CDIN1: variants seen among roughly 807,000 people sequenced by gnomAD.
CDIN1 encodes CDAN1-interacting nuclease 1.
A neutral mutation model predicts 45.3 loss-of-function variants in CDIN1; 33 were observed. That is an observed-to-expected ratio of 0.73 (90% CI 0.55 to 0.97). CDIN1 has a LOEUF of 0.97. CDIN1 is among the 50% of genes least tolerant of loss of function. The pLI, the probability that CDIN1 is intolerant of heterozygous loss-of-function variation, is 0.00. For synonymous variants in CDIN1, 118 were observed against 124.4 expected (o/e 0.95, Z 0.34); for missense variants, 303 against 339.4 (o/e 0.89, Z 0.84).
intron 10 of CDIN1, among the ~76,000 whole-genome samples, chr15:36,778,777 C>T (rs1469365792): frequency 6.6e-6 from 1 of 152,162 alleles, no homozygotes; most frequent in Non-Finnish European, 1.5e-5. Context: ...ATGGAATCAA[C>T]TCACTCTAAG....
intron 10 of CDIN1, among the ~76,000 whole-genome samples, chr15:36,714,452 G>A (rs933416367): frequency 6.6e-6 from 1 of 152,104 alleles, no homozygotes; most frequent in Admixed American, 6.6e-5. Flanking sequence ...TGGGCCTGGA[G>A]CAAGAGTACA....
At chr15:36,779,399 A>G (rs751253304) in intron 10 of CDIN1, among the ~76,000 whole-genome samples, 16 of 152,102 alleles carry the variant, frequency 1.1e-4, no homozygotes, top group Non-Finnish European at 2.2e-4. Flanking sequence ...TTGGTGTTCA[A>G]ATCTCGCTCC....
At chr15:36,625,923 T>G (rs2039403676) in intron 1 of CDIN1, among the ~76,000 whole-genome samples, 1 of 152,108 alleles carries the variant, frequency 6.6e-6, no homozygotes, top group Non-Finnish European at 1.5e-5. Context: ...ACTGGATTAT[T>G]TTGTTACCTT....
In CDIN1 at chr15:36,697,364, T is replaced by G; in HGVS notation, c.518T>G (p.Leu173Arg). ...CATGAGGTCCTGCTGAGAGACTTGC[T>G]TCTAGAGAAAAACCTGTCCTTCCTA... ...HEHEVLLRDLLLEKNLSFLDE... is the reference protein window; with the variant it reads ...HEHEVLLRDLRLEKNLSFLDE... The change falls in exon 8 of 11, where the codon CTT (leucine) becomes CGT (arginine). Residue 173 changes from leucine (L) to arginine (R), a missense_variant. Coordinates refer to ENST00000566621, the MANE Select transcript of CDIN1 (RefSeq NM_001321759.2). 1 of 1,612,472 alleles carries G rather than the reference T, an allele frequency of 6.2e-7. No individual in the cohort carries two copies. Among genetic ancestry groups the G allele is most frequent in the Non-Finnish European group, 8.5e-7 (1 of 1,179,274 alleles).
chr15:36,782,043 T>C (rs1472284739), intron 10 of CDIN1, among the ~76,000 whole-genome samples: 1 of 152,228 alleles, frequency 6.6e-6, no homozygotes, highest in Non-Finnish European at 1.5e-5. Context: ...CTCCCAGAAG[T>C]AGCCATGGAT....
At chr15:36,631,209 A>G (rs1296650000) in intron 1 of CDIN1, among the ~76,000 whole-genome samples, 1 of 152,204 alleles carries the variant, frequency 6.6e-6, no homozygotes, top group African/African-American at 2.4e-5. Context: ...GAAGTCATAG[A>G]AGGAAAGAAG....
chr15:36,772,198 ATTTT>A (rs528610356), intron 10 of CDIN1, among the ~76,000 whole-genome samples: 1 of 149,406 alleles, frequency 6.7e-6, no homozygotes, highest in Non-Finnish European at 1.5e-5. Flanking sequence ...TGAAAACTGT[ATTTT>A]TTTTTTAGTA....
chr15:36,662,452 GC>G, intron 5 of CDIN1, among the ~76,000 whole-genome samples: 1 of 61,396 alleles, frequency 1.6e-5, no homozygotes, highest in Non-Finnish European at 3.5e-5. Context: ...AGTATGCTAG[GC>G]CATCAAAAGA....
At chr15:36,714,388 G>A (rs1247399520) in intron 10 of CDIN1, among the ~76,000 whole-genome samples, 3 of 152,058 alleles carry the variant, frequency 2.0e-5, no homozygotes, top group Admixed American at 1.3e-4. Flanking sequence ...ATAGAATACC[G>A]TGAAAATTCT....
chr15:36,633,992 TCTG>T (rs1394841493), intron 1 of CDIN1, among the ~76,000 whole-genome samples: 1 of 152,094 alleles, frequency 6.6e-6, no homozygotes, highest in African/African-American at 2.4e-5. Context: ...CCTCAAGTGA[TCTG>T]CTCGCCTCGG....
At chr15:36,737,114 G>A (rs1435992819) in intron 10 of CDIN1, among the ~76,000 whole-genome samples, 1 of 150,590 alleles carries the variant, frequency 6.6e-6, no homozygotes, top group Non-Finnish European at 1.5e-5. Flanking sequence ...GTTGCAGTGA[G>A]CTGAGATTGC....
chr15:36,692,337 T>G (rs541110843), intron 7 of CDIN1, among the ~76,000 whole-genome samples, 162 bp downstream of exon 7: 1 of 152,324 alleles, frequency 6.6e-6, no homozygotes, highest in South Asian at 2.1e-4. Flanking sequence ...ACCATTCTTT[T>G]CTACAGCTTA....
chr15:36,584,532 C>G (rs2037201042), intron 1 of CDIN1, among the ~76,000 whole-genome samples: 1 of 152,214 alleles, frequency 6.6e-6, no homozygotes, highest in Non-Finnish European at 1.5e-5. Context: ...GTATGATTAT[C>G]ATAGATTTAT....
chr15:36,719,379 G>A (rs1168564821), intron 10 of CDIN1, among the ~76,000 whole-genome samples: 1 of 152,104 alleles, frequency 6.6e-6, no homozygotes, highest in Non-Finnish European at 1.5e-5. Flanking sequence ...CTATTACGAT[G>A]ATCATATAAG....
At chr15:36,584,788 C>G (rs1232598047) in intron 1 of CDIN1, among the ~76,000 whole-genome samples, 1 of 152,128 alleles carries the variant, frequency 6.6e-6, no homozygotes, top group Non-Finnish European at 1.5e-5. Context: ...AACCAGAGTA[C>G]TGGGAGAAAG....
At chr15:36,618,896 C>T (rs1370581312) in intron 1 of CDIN1, 12 of 1,221,718 alleles carry the variant, frequency 9.8e-6, no homozygotes, top group Middle Eastern at 2.7e-4. Context: ...ACCATGTAAT[C>T]GTAACATAAA....
intron 1 of CDIN1, among the ~76,000 whole-genome samples, chr15:36,588,918 ATGC>A (rs1353813751): frequency 1.3e-5 from 2 of 152,182 alleles, no homozygotes; most frequent in African/African-American, 4.8e-5. Flanking sequence ...AAGAATCCAC[ATGC>A]TATAATTATA....
At chr15:36,641,774 C>G (rs1446708173) in intron 1 of CDIN1, 1 of 152,152 alleles carries the variant, frequency 6.6e-6, no homozygotes, top group Non-Finnish European at 1.5e-5. Context: ...TCTTCTAAAT[C>G]AACTCCCGTC....
rs1410783599 is a variant in CDIN1, at chr15:36,691,667, A to G, written c.347-18A>G. 6.6e-7 allele frequency: 1 copy of G among 1,525,190 alleles called. No homozygotes were observed. The highest frequency in any genetic ancestry group is 1.4e-5 in the African/African-American group (1 of 73,250). The allele number at this position is 1,525,190 out of a possible 1,614,324, so 94.5% of individuals were successfully genotyped here. On this transcript the variant is annotated intron_variant, in intron 5 of 10. Transcript: ENST00000566621. ...TATGTTGACTATCTGCTAACAGTTC[A>G]TCTCTTTTCTTCTACAGCCTCCAAG...
Sources: allele counts gnomAD v4.1 joint callset (sites outside exome capture counted in the v4.1 genomes callset), GRCh38; gene constraint gnomAD v4.1.1; transcripts MANE v1.5; gene names NCBI Gene and HGNC (gene_info 2026-07-23, HGNC 2026-07-21).